The following BAIAP2 variants were observed in gnomAD, a reference collection of about 807,000 sequenced individuals.
The protein encoded by BAIAP2 is BAR/IMD domain containing adaptor protein 2, also known as BAR/IMD domain-containing adapter protein 2.
A neutral mutation model predicts 63.0 loss-of-function variants in BAIAP2; 18 were observed. The ratio of observed to expected loss-of-function variants is 0.29; its 90% CI spans 0.20 to 0.42. BAIAP2 has a LOEUF of 0.42. Among genes scored for constraint, BAIAP2 ranks in the 10% least tolerant of loss-of-function variants. The pLI is 1.00. For synonymous variants in BAIAP2, 386 were observed against 307.6 expected (o/e 1.25, Z -2.67); for missense variants, 610 against 734.3 (o/e 0.83, Z 1.96).
chr17:81,075,526 C>G (rs958620305), intron 3 of BAIAP2, among the ~76,000 whole-genome samples: 1 of 152,214 alleles, frequency 6.6e-6, no homozygotes, highest in South Asian at 2.1e-4. Context: ...TAATCCTTCT[C>G]GTTCATCTGC....
chr17:81,104,100 A>G lies in BAIAP2; in HGVS notation c.1058A>G (p.Tyr353Cys). The G allele has an allele frequency of 2.5e-6, 4 of 1,613,196 alleles. No individual in the cohort carries two copies. The highest frequency in any genetic ancestry group is 3.4e-6 in the Non-Finnish European group (4 of 1,179,970). The change falls in exon 9 of 14, where the codon TAT (tyrosine) becomes TGT (cysteine). Residue 353 changes from tyrosine (Y) to cysteine (C), a missense_variant. Tyr to Cys is a radical substitution (Grantham distance 194). Transcript: ENST00000428708. Reference sequence around the variant, plus strand: ...AAGAGCGTGACCCCAAAAAACAGCTATGCCACCAGTAAGGGCTCCGCTGGG... The same window carrying G: ...AAGAGCGTGACCCCAAAAAACAGCTGTGCCACCAGTAAGGGCTCCGCTGGG... Reference protein sequence around the residue: ...VRKSVTPKNSYATTENKTLPR... With the variant: ...VRKSVTPKNSCATTENKTLPR...
chr17:81,051,405 T>G (rs1034650641), intron 1 of BAIAP2, among the ~76,000 whole-genome samples: 2 of 152,152 alleles, frequency 1.3e-5, no homozygotes, highest in Non-Finnish European at 1.5e-5. Flanking sequence ...TTTTTTGTAT[T>G]TATGTATTTT....
At chr17:81,113,865 C>T (rs548192272) in intron 13 of BAIAP2, among the ~76,000 whole-genome samples, 3 of 152,064 alleles carry the variant, frequency 2.0e-5, no homozygotes, top group East Asian at 1.9e-4. Flanking sequence ...TGATGAGAAT[C>T]GGCTGTGATT....
chr17:81,100,245 C>T (rs1326507397), intron 7 of BAIAP2, among the ~76,000 whole-genome samples, 165 bp downstream of exon 7: 2 of 152,204 alleles, frequency 1.3e-5, no homozygotes, highest in African/African-American at 2.4e-5. Context: ...GGAGAATTAC[C>T]AGGTCACAGG....
intron 3 of BAIAP2, among the ~76,000 whole-genome samples, chr17:81,060,113 C>T (rs2050290536): frequency 1.3e-5 from 2 of 152,214 alleles, no homozygotes; most frequent in African/African-American, 4.8e-5. Context: ...CTGTGTGCAT[C>T]TGCAGAGGGC....
At chr17:81,043,667 T>C (rs2047396111) in intron 1 of BAIAP2, among the ~76,000 whole-genome samples, 1 of 152,216 alleles carries the variant, frequency 6.6e-6, no homozygotes, top group Non-Finnish European at 1.5e-5. Flanking sequence ...CTGGACATTC[T>C]CTGTGCTCAG....
At chr17:81,102,675 C>T (rs893663613) in intron 7 of BAIAP2, among the ~76,000 whole-genome samples, 2 of 152,178 alleles carry the variant, frequency 1.3e-5, no homozygotes, top group African/African-American at 2.4e-5. Context: ...CGTCCAACAT[C>T]CTCCGTGGGT....
intron 12 of BAIAP2, chr17:81,108,231 A>G (rs2059410828): frequency 3.4e-6 from 2 of 589,010 alleles, no homozygotes; most frequent in Non-Finnish European, 6.0e-6. Context: ...AAGCACACAA[A>G]TTGAGGTGGC....
At chr17:81,089,380 C>T (rs1009044364) in intron 6 of BAIAP2, among the ~76,000 whole-genome samples, 4 of 152,144 alleles carry the variant, frequency 2.6e-5, no homozygotes, top group Admixed American at 6.5e-5. Context: ...GGCGGTGACT[C>T]GAGGGGCCTT....
rs770293073 is a variant in BAIAP2 at position 81,100,070 on chromosome 17, A to G, written c.632A>G (p.Tyr211Cys). 24 of 1,610,602 alleles carry G rather than the reference A, an allele frequency of 1.5e-5. 1 individual carries two copies. The highest frequency in any genetic ancestry group is 2.0e-4 in the Middle Eastern group (1 of 5,086). The change falls in exon 7 of 14, where the codon TAC becomes TGC. Residue 211 changes from tyrosine (Y) to cysteine (C), a missense_variant. Physicochemically the swap from Tyr to Cys is radical, Grantham distance 194. Transcript: ENST00000428708. ...GCCGTGGCCAAGAACTCCGCGGCCT[A>G]CCACTCCAAGGTGAGGCGGCTGGGG... is the stretch of plus-strand genomic sequence containing the variant. ...QCAVAKNSAAYHSKGKELLAQ... is the reference protein window; with the variant it reads ...QCAVAKNSAACHSKGKELLAQ...
intron 1 of BAIAP2, among the ~76,000 whole-genome samples, chr17:81,042,401 C>A (rs529546186): frequency 6.6e-6 from 1 of 152,036 alleles, no homozygotes; most frequent in Non-Finnish European, 1.5e-5. Context: ...AGCAGTCCTC[C>A]CACCTTGGCC....
At chr17:81,045,754 CT>C (rs1439610354) in intron 1 of BAIAP2, among the ~76,000 whole-genome samples, 2 of 152,140 alleles carry the variant, frequency 1.3e-5, no homozygotes, top group Non-Finnish European at 2.9e-5. Context: ...TCCCTTCGGT[CT>C]TCCAGGAGGG....
At chr17:81,104,265 C>A (rs568997921) in intron 9 of BAIAP2, among the ~76,000 whole-genome samples, 157 bp downstream of exon 9, 109 of 152,232 alleles carry the variant, frequency 7.2e-4, no homozygotes, top group Non-Finnish European at 1.3e-3. Flanking sequence ...ACACGTGTGC[C>A]TGCCCAGCAT....
At chr17:81,085,012 G>T (rs114442085) in intron 4 of BAIAP2, 119 bp downstream of exon 4, 5 of 1,043,296 alleles carry the variant, frequency 4.8e-6, no homozygotes, top group Non-Finnish European at 7.3e-6. Flanking sequence ...ACACTCGGAG[G>T]CAGGGAGGGA....
Position 81,106,148 on chromosome 17 carries a change from T to C in BAIAP2, c.1337+2T>C. On this transcript the variant is annotated splice_donor_variant, in intron 11 of 13. Coordinates refer to ENST00000428708, the MANE Select transcript of BAIAP2 (RefSeq NM_001144888.2). LOFTEE classifies it high-confidence loss of function. ...TGGCAGTGACAGGCTGCACATGAGG[T>C]GAGCTCTGGGCCCAACGGGAGTGTA... 5 of 1,577,354 alleles carry C rather than the reference T, an allele frequency of 3.2e-6. No homozygotes were observed. The highest frequency in any genetic ancestry group is 4.3e-6 in the Non-Finnish European group (5 of 1,161,408).
chr17:81,053,202 T>C (rs578001397), intron 1 of BAIAP2, among the ~76,000 whole-genome samples: 1 of 146,194 alleles, frequency 6.8e-6, no homozygotes, highest in South Asian at 2.2e-4. Flanking sequence ...GTGGTGCTAA[T>C]CAGAGCTGAG....
At chr17:81,103,190 C>T (rs1598796833) in intron 7 of BAIAP2, among the ~76,000 whole-genome samples, 1 of 152,210 alleles carries the variant, frequency 6.6e-6, no homozygotes, top group Admixed American at 6.5e-5. Context: ...GGAGTTTGAC[C>T]TTGTGCGTCC....
At chr17:81,060,703 C>G (rs2050391302) in intron 3 of BAIAP2, among the ~76,000 whole-genome samples, 1 of 152,198 alleles carries the variant, frequency 6.6e-6, no homozygotes, top group Non-Finnish European at 1.5e-5. Flanking sequence ...AGCAACACAT[C>G]CTTGTTTCAA....
At chr17:81,062,248 G>T (rs909856132) in intron 3 of BAIAP2, among the ~76,000 whole-genome samples, 1 of 151,938 alleles carries the variant, frequency 6.6e-6, no homozygotes, top group Non-Finnish European at 1.5e-5. Context: ...ATCGCACCCA[G>T]ATCTGTAATA....
Sources: allele counts gnomAD v4.1 joint callset (sites outside exome capture counted in the v4.1 genomes callset), GRCh38; gene constraint gnomAD v4.1.1; transcripts MANE v1.5; gene names NCBI Gene and HGNC (gene_info 2026-07-23, HGNC 2026-07-21).